ADGRV1: variants seen among roughly 807,000 people sequenced by gnomAD.
ADGRV1 encodes G-protein coupled receptor 98.
Under a neutral mutation model 596.2 loss-of-function variants are expected in ADGRV1, and 359 were observed. The observed-to-expected ratio is 0.60, with a 90% CI of 0.55 to 0.66. The LOEUF is 0.66. ADGRV1 is among the 30% of genes least tolerant of loss of function. The pLI is 0.00. For missense variants in ADGRV1, 7,274 were observed against 7,575.6 expected (o/e 0.96, Z 1.48); for synonymous variants, 2,681 against 2,679.2 (o/e 1.00, Z -0.02).
intron 38 of ADGRV1, among the ~76,000 whole-genome samples, chr5:90,707,937 C>G: frequency 6.6e-6 from 1 of 152,026 alleles, no homozygotes; most frequent in East Asian, 1.9e-4. Context: ...AGAGTAGGCA[C>G]AGCAGTCCTT....
chr5:90,815,622 G>A lies in ADGRV1; in HGVS notation c.16082G>A (p.Ser5361Asn), dbSNP rs769064524. The change falls in exon 75 of 90, where the codon AGT (serine) becomes AAT (asparagine). Residue 5361 changes from serine to asparagine, a missense_variant. By Grantham distance (46) the Ser-to-Asn change is conservative. This residue lies in a region of ADGRV1 where 1,874 missense variants were observed against 1,970.2 expected (regional missense o/e 0.95). Transcript: ENST00000405460. ...AGCCCTCCATTCTTTTTTTCAGGGA[G>A]TGACCTTCACAATGGCATCATAGGA... ...AAFAMVIITG[S>N]DLHNGIIGFS... 5.9e-6 allele frequency: 9 copies of A among 1,530,700 alleles called. No homozygotes were observed. The highest frequency in any genetic ancestry group is 8.0e-6 in the Non-Finnish European group (9 of 1,122,784). The allele number at this position is 1,530,700 out of a possible 1,614,324, so 94.8% of individuals were successfully genotyped here. A position where few individuals can be genotyped will look rare whatever the true frequency, so the allele number is the denominator to read the frequency against.
intron 85 of ADGRV1, among the ~76,000 whole-genome samples, chr5:91,049,594 A>G (rs1246365919): frequency 6.6e-6 from 1 of 152,220 alleles, no homozygotes; most frequent in Non-Finnish European, 1.5e-5. Flanking sequence ...CAAAATCAAG[A>G]CAAATATTAT....
At chr5:91,146,750 A>C (rs192076298) in intron 87 of ADGRV1, among the ~76,000 whole-genome samples, 1 of 152,334 alleles carries the variant, frequency 6.6e-6, no homozygotes, top group Admixed American at 6.5e-5. Flanking sequence ...ACTTTTTTGG[A>C]AGTTAAGAAG....
chr5:90,699,647 G>T (rs577978295), intron 34 of ADGRV1, among the ~76,000 whole-genome samples: 1 of 152,282 alleles, frequency 6.6e-6, no homozygotes, highest in East Asian at 1.9e-4. Context: ...TTGTGAAAGT[G>T]CATCCTATGA....
chr5:90,630,928 G>A (rs557297958), intron 9 of ADGRV1, among the ~76,000 whole-genome samples: 33 of 152,086 alleles, frequency 2.2e-4, no homozygotes, highest in African/African-American at 7.0e-4. Context: ...TTTTTACTGA[G>A]CTCCTGAATT....
chr5:90,801,102 T>C (rs955137304), intron 70 of ADGRV1, among the ~76,000 whole-genome samples: 1 of 152,120 alleles, frequency 6.6e-6, no homozygotes, highest in Non-Finnish European at 1.5e-5. Flanking sequence ...TGATAGGCAG[T>C]ATAGAAAATG....
At position 90,639,709 on chromosome 5, in the gene ADGRV1, G is replaced by A. The variant is rs139876202; in HGVS notation, c.2240+1761G>A. ...TGCATACTTGTATTATCTCATTTGTGTGTGAACAAGAATGAGCAAATTACA... is the reference window on the plus strand; with the variant it reads ...TGCATACTTGTATTATCTCATTTGTATGTGAACAAGAATGAGCAAATTACA... On this transcript the variant is annotated intron_variant, in intron 11 of 89. Coordinates refer to ENST00000405460, the MANE Select transcript of ADGRV1 (RefSeq NM_032119.4). 3.3e-3 allele frequency among the ~76,000 whole-genome samples: 497 copies of A among 152,166 alleles called. 5 individuals are homozygous for A. The highest frequency in any genetic ancestry group is 0.011 in the African/African-American group (469 of 41,542).
rs762819091 is a variant in ADGRV1, at chr5:90,706,256, G to A, written c.8592G>A (p.Thr2864=). ...GAGCTATCAATGTCACATATACCAC[G>A]GTTCCTGGAATGCTGAGTCTGAAGA... is the stretch of plus-strand genomic sequence containing the variant. ...SLGAINVTYT[T]VPGMLSLKNQ... Residue 2864 remains threonine, a synonymous_variant, in exon 38 of 90, where the codon ACG becomes ACA. Transcript: ENST00000405460. The A allele has an allele frequency of 3.7e-6, 6 of 1,612,250 alleles. No individual in the cohort carries two copies. Among genetic ancestry groups the A allele is most frequent in the East Asian group, 2.2e-5 (1 of 44,850 alleles).
At chr5:91,047,784 G>A (rs1266023282) in intron 85 of ADGRV1, among the ~76,000 whole-genome samples, 1 of 152,162 alleles carries the variant, frequency 6.6e-6, no homozygotes, top group East Asian at 1.9e-4. Context: ...TTTGTCACTG[G>A]TTGTTTCTTT....
At chr5:91,147,658 CT>C in intron 87 of ADGRV1, among the ~76,000 whole-genome samples, 1 of 152,170 alleles carries the variant, frequency 6.6e-6, no homozygotes, top group East Asian at 1.9e-4. Flanking sequence ...AATTAAACCT[CT>C]TTTCTTTATA....
At chr5:90,703,275 A>C (rs1329754299) in intron 34 of ADGRV1, among the ~76,000 whole-genome samples, 1 of 152,050 alleles carries the variant, frequency 6.6e-6, no homozygotes, top group Non-Finnish European at 1.5e-5. Context: ...ATATCAGTGT[A>C]AGGATTTGTG....
intron 26 of ADGRV1, 75 bp downstream of exon 26, chr5:90,679,704 C>G: frequency 1.1e-6 from 1 of 878,558 alleles, no homozygotes; most frequent in South Asian, 1.5e-5. Flanking sequence ...CAATACTAAC[C>G]ACTTATTGAC....
chr5:91,106,241 C>A (rs747832615), intron 87 of ADGRV1, among the ~76,000 whole-genome samples: 1 of 152,046 alleles, frequency 6.6e-6, no homozygotes, highest in Non-Finnish European at 1.5e-5. Flanking sequence ...AATTAATGTT[C>A]TAGCTGCCTT....
At chr5:91,150,533 T>G (rs750820785) in intron 88 of ADGRV1, among the ~76,000 whole-genome samples, 2 of 152,226 alleles carry the variant, frequency 1.3e-5, no homozygotes, top group Non-Finnish European at 2.9e-5. Context: ...TTGACATTTC[T>G]TTCTTCAGAA....
chr5:90,966,635 G>A (rs1048437718), intron 84 of ADGRV1, among the ~76,000 whole-genome samples: 4 of 152,164 alleles, frequency 2.6e-5, no homozygotes, highest in Middle Eastern at 3.4e-3. Context: ...ATTACTTGGC[G>A]AGAAGGTACA....
At chr5:91,126,046 A>T (rs1793722835) in intron 87 of ADGRV1, among the ~76,000 whole-genome samples, 1 of 152,086 alleles carries the variant, frequency 6.6e-6, no homozygotes, top group African/African-American at 2.4e-5. Context: ...CCCCCACCTC[A>T]TTGCATTCCA....
chr5:90,779,887 CT>C (rs1164072153), intron 64 of ADGRV1: 1 of 152,050 alleles, frequency 6.6e-6, no homozygotes, highest in Non-Finnish European at 1.5e-5. Flanking sequence ...GAATATCATG[CT>C]TTAAAAACTT....
chr5:90,707,059 A>T (rs756771341), intron 38 of ADGRV1, among the ~76,000 whole-genome samples: 2 of 152,098 alleles, frequency 1.3e-5, no homozygotes, highest in Non-Finnish European at 1.5e-5. Context: ...TCTTTGGACC[A>T]GAAAATCCGT....
chr5:90,872,582 G>A (rs1038481552), intron 83 of ADGRV1, among the ~76,000 whole-genome samples: 4 of 152,236 alleles, frequency 2.6e-5, no homozygotes, highest in Middle Eastern at 3.4e-3. Flanking sequence ...TAATGAAACA[G>A]TACTGCTAAG....
Sources: allele counts gnomAD v4.1 joint callset (sites outside exome capture counted in the v4.1 genomes callset), GRCh38; gene constraint gnomAD v4.1.1; regional missense constraint gnomAD v4.1.1; transcripts MANE v1.5; gene names NCBI Gene and HGNC (gene_info 2026-07-23, HGNC 2026-07-21).